C2orf49: variants seen among roughly 807,000 people sequenced by gnomAD.
C2orf49 encodes the protein tRNA splicing ligase complex subunit 2.
In C2orf49, 11 loss-of-function variants were observed where a neutral mutation model predicts 20.6. That is an observed-to-expected ratio of 0.53 (90% CI 0.34 to 0.88). The LOEUF (loss-of-function observed/expected upper bound fraction) is 0.88. Among genes scored for constraint, C2orf49 ranks in the 40% least tolerant of loss-of-function variants. The pLI, the probability that C2orf49 is intolerant of heterozygous loss-of-function variation, is 0.02. For synonymous variants in C2orf49, 134 were observed against 108.5 expected, an observed-to-expected ratio of 1.24 and a Z score of -1.46; for missense variants, 289 against 274.2, an observed-to-expected ratio of 1.05 and a Z score of -0.38.
the C2orf49 span, chr2:105,377,897 C>T: frequency 2.6e-6 from 1 of 381,530 alleles, no homozygotes; most frequent in Non-Finnish European, 5.3e-6. Flanking sequence ...GCTGCCCTGC[C>T]CAGGGAGGAG....
chr2:105,350,125 G>A (rs116768847), downstream of C2orf49, among the ~76,000 whole-genome samples: 120 of 152,298 alleles, frequency 7.9e-4, no homozygotes, highest in African/African-American at 2.9e-3. Context: ...GACTAAAGTT[G>A]TATGATGAGC....
intron 1 of C2orf49, among the ~76,000 whole-genome samples, chr2:105,338,861 T>A (rs946729895): frequency 2.6e-5 from 4 of 152,226 alleles, no homozygotes; most frequent in African/African-American, 9.7e-5. Context: ...CCTTCTTAAA[T>A]CCAAACTCTG....
chr2:105,371,363 C>T, the C2orf49 span, among the ~76,000 whole-genome samples: 2 of 152,152 alleles, frequency 1.3e-5, no homozygotes, highest in Non-Finnish European at 2.9e-5. Flanking sequence ...CTAAGGGCAA[C>T]TAATTCTTCT....
At chr2:105,363,319 G>A in the C2orf49 span, 6 of 1,614,062 alleles carry the variant, frequency 3.7e-6, no homozygotes, top group East Asian at 4.5e-5. Flanking sequence ...CACACTTCTT[G>A]GCATACAAGT....
At position 105,343,173 on chromosome 2, in the gene C2orf49, A is replaced by T. The variant is rs774364669; in HGVS notation, c.592A>T (p.Thr198Ser). 6.2e-6 allele frequency: 10 copies of T among 1,612,260 alleles called. No homozygotes were observed. In the Admixed American group the frequency reaches 1.5e-4, roughly 24 times the overall value. The change falls in exon 3 of 4, where the codon ACT (threonine) becomes TCT (serine). Residue 198 changes from threonine (T) to serine (S), a missense_variant. Physicochemically the swap from Thr to Ser is moderately conservative, Grantham distance 58. Coordinates refer to ENST00000258457, the MANE Select transcript of C2orf49 (RefSeq NM_024093.3). The stretch of plus-strand genomic sequence containing the variant: ...GCCACCATTGTCCCCTGTTGGAACT[A>T]CTCCAGTGAAGTTAAAGAGAGCTGC... Reference protein sequence around the residue: ...KSPPLSPVGTTPVKLKRAAPK... With the variant: ...KSPPLSPVGTSPVKLKRAAPK...
chr2:105,362,105 T>C, the C2orf49 span, among the ~76,000 whole-genome samples: 1 of 152,240 alleles, frequency 6.6e-6, no homozygotes. Flanking sequence ...TTTATATAGA[T>C]TGTATCACTT....
chr2:105,353,544 C>A (rs1357340909), downstream of C2orf49, among the ~76,000 whole-genome samples: 1 of 152,070 alleles, frequency 6.6e-6, no homozygotes, highest in Non-Finnish European at 1.5e-5. Context: ...AAGAAAAAAG[C>A]CCATGTTTTA....
chr2:105,353,560 C>T (rs751542042), downstream of C2orf49, among the ~76,000 whole-genome samples: 4 of 152,230 alleles, frequency 2.6e-5, no homozygotes, highest in East Asian at 1.9e-4. Flanking sequence ...TTTTAGGGGA[C>T]GGTGGGCTAG....
the C2orf49 span, among the ~76,000 whole-genome samples, chr2:105,368,079 C>G: frequency 1.9e-4 from 29 of 152,308 alleles, no homozygotes; most frequent in African/African-American, 6.5e-4. Flanking sequence ...GGCATAGCTC[C>G]GATGAATTCC....
At chr2:105,362,219 A>T in the C2orf49 span, among the ~76,000 whole-genome samples, 69,375 of 152,104 alleles carry the variant, frequency 0.46, 16,712 homozygotes, top group Non-Finnish European at 0.54. Flanking sequence ...TCCCCCTAAA[A>T]GATTCCAAGG....
At position 105,342,779 on chromosome 2, in the gene C2orf49, C is replaced by T; in HGVS notation, c.267-69C>T. The T allele has an allele frequency of 2.0e-6, 3 of 1,489,140 alleles. No homozygotes were observed. The South Asian group carries it at 4.2e-5, about 21-fold the overall frequency. The allele number at this position is 1,489,140 out of a possible 1,614,324, so 92.2% of individuals were successfully genotyped here. Reference sequence around the variant, plus strand: ...TCTTTTTGTTTACTGCTTATTTTAACTTGAATCCCAGTGAACTGGTTTGCC... The same window carrying T: ...TCTTTTTGTTTACTGCTTATTTTAATTTGAATCCCAGTGAACTGGTTTGCC... On this transcript the variant is annotated intron_variant, in intron 2 of 3. Coordinates refer to ENST00000258457, the MANE Select transcript of C2orf49 (RefSeq NM_024093.3).
chr2:105,349,816 G>T (rs1679896164), downstream of C2orf49, among the ~76,000 whole-genome samples: 3 of 152,194 alleles, frequency 2.0e-5, no homozygotes, highest in African/African-American at 7.2e-5. Context: ...AAGAGAGCAT[G>T]CCTAAGGCAT....
At chr2:105,355,083 ATC>A in the C2orf49 span, among the ~76,000 whole-genome samples, 1 of 152,206 alleles carries the variant, frequency 6.6e-6, no homozygotes, top group African/African-American at 2.4e-5. Context: ...GAGAAGTCAA[ATC>A]TCTGAGTGTT....
the C2orf49 span, among the ~76,000 whole-genome samples, chr2:105,371,645 CAG>C: frequency 6.6e-6 from 1 of 151,906 alleles, no homozygotes; most frequent in Non-Finnish European, 1.5e-5. Context: ...GTGACTAACA[CAG>C]AAAGTCAAGA....
At chr2:105,369,683 T>C in the C2orf49 span, among the ~76,000 whole-genome samples, 1 of 152,260 alleles carries the variant, frequency 6.6e-6, no homozygotes, top group South Asian at 2.1e-4. Context: ...AAAGATTTTC[T>C]TCAACCTCCA....
intron 1 of C2orf49, among the ~76,000 whole-genome samples, chr2:105,339,152 A>G (rs768485096): frequency 6.6e-5 from 10 of 152,276 alleles, no homozygotes; most frequent in Non-Finnish European, 1.5e-4. Flanking sequence ...AATATAAGAC[A>G]GACTGAGACC....
At chr2:105,344,206 C>T (rs1237300108) in intron 3 of C2orf49, among the ~76,000 whole-genome samples, 1 of 152,084 alleles carries the variant, frequency 6.6e-6, no homozygotes, top group African/African-American at 2.4e-5. Context: ...CACCAGGCTG[C>T]GATTTGAATT....
In C2orf49 at chr2:105,348,199, G is replaced by A. The variant is rs1679861774; in HGVS notation, c.*2828G>A. On this transcript the variant is annotated 3_prime_UTR_variant, in exon 4 of 4. Transcript: ENST00000258457. Reference sequence around the variant, plus strand: ...GTCCTCTTACATTTGAGGGATCATAGACTGCTGTGTGAATTCTGGAAAGTC... The same window carrying A: ...GTCCTCTTACATTTGAGGGATCATAAACTGCTGTGTGAATTCTGGAAAGTC... The A allele has an allele frequency of 6.6e-6, 1 of 152,132 alleles. No individual in the cohort carries two copies. Among genetic ancestry groups the A allele is most frequent in the African/African-American group, 2.4e-5 (1 of 41,402 alleles). The allele number at this position is 152,132 out of a possible 1,614,324, so 9.4% of individuals were successfully genotyped here.
At chr2:105,370,223 A>C in the C2orf49 span, among the ~76,000 whole-genome samples, 1 of 152,076 alleles carries the variant, frequency 6.6e-6, no homozygotes, top group Non-Finnish European at 1.5e-5. Flanking sequence ...CCCAAAAAAA[A>C]AATTAGGCGG....
Sources: gnomAD v4.1 joint callset for allele counts (sites outside exome capture counted in the v4.1 genomes callset) on GRCh38, gnomAD v4.1.1 for gene constraint, MANE v1.5 for transcripts, NCBI Gene and HGNC (gene_info 2026-07-23, HGNC 2026-07-21) for gene names.